Variants in SORCS3 observed in about 807,000 individuals in gnomAD.
The protein encoded by SORCS3 is VPS10 domain-containing receptor SorCS3.
In SORCS3, 57 loss-of-function variants were observed where a neutral mutation model predicts 146.3. The ratio of observed to expected loss-of-function variants is 0.39; its 90% confidence interval spans 0.31 to 0.49. The LOEUF is 0.49. Ranked by LOEUF, SORCS3 falls within the 20% of genes least tolerant of loss-of-function variation. SORCS3 has a pLI of 0.92. For synonymous variants in SORCS3, 653 were observed against 618.5 expected (o/e 1.06, Z -0.83); for missense variants, 1,341 against 1,575.5 (o/e 0.85, Z 2.52).
chr10:105,114,803 G>C (rs1291817522), intron 7 of SORCS3, among the ~76,000 whole-genome samples: 1 of 152,068 alleles, frequency 6.6e-6, no homozygotes, highest in African/African-American at 2.4e-5. Flanking sequence ...GAAGAAAAAA[G>C]AAACCTTATG....
chr10:104,936,426 A>C (rs933839074), intron 3 of SORCS3, among the ~76,000 whole-genome samples: 2 of 152,096 alleles, frequency 1.3e-5, no homozygotes, highest in African/African-American at 4.8e-5. Context: ...AGAAAAGAAA[A>C]TTTTAAGGTG....
At chr10:105,022,676 C>A (rs1042994592) in intron 4 of SORCS3, among the ~76,000 whole-genome samples, 4 of 152,086 alleles carry the variant, frequency 2.6e-5, no homozygotes, top group African/African-American at 9.7e-5. Flanking sequence ...GAAATTTTAT[C>A]CAGAATGTCA....
chr10:104,763,114 G>T (rs768090415), intron 1 of SORCS3, among the ~76,000 whole-genome samples: 2 of 152,170 alleles, frequency 1.3e-5, no homozygotes, highest in East Asian at 1.9e-4. Context: ...GCACGTGATA[G>T]AAATGCTAAT....
chr10:105,048,456 G>A (rs1000114479), intron 5 of SORCS3, among the ~76,000 whole-genome samples: 22 of 149,422 alleles, frequency 1.5e-4, no homozygotes, highest in Non-Finnish European at 1.9e-4. Flanking sequence ...AACACCGCAT[G>A]TTCTCACTCA....
chr10:105,237,156 C>T (rs2056797358), intron 20 of SORCS3, among the ~76,000 whole-genome samples: 1 of 152,092 alleles, frequency 6.6e-6, no homozygotes, highest in Non-Finnish European at 1.5e-5. Context: ...TCCCAAAGAA[C>T]CAAGAGAATG....
intron 1 of SORCS3, among the ~76,000 whole-genome samples, chr10:104,806,210 A>G (rs1160873108): frequency 6.6e-6 from 1 of 152,210 alleles, no homozygotes; most frequent in African/African-American, 2.4e-5. Context: ...TGACTAACCT[A>G]TACTACGTCT....
chr10:104,841,514 A>G (rs940160994), intron 1 of SORCS3, among the ~76,000 whole-genome samples: 2 of 152,204 alleles, frequency 1.3e-5, no homozygotes, highest in East Asian at 3.8e-4. Flanking sequence ...AATGGATCAT[A>G]TCCCTTGCCT....
chr10:105,004,966 GA>G (rs1204210783), intron 4 of SORCS3, among the ~76,000 whole-genome samples: 1 of 152,190 alleles, frequency 6.6e-6, no homozygotes, highest in Admixed American at 6.5e-5. Context: ...CATGAATATG[GA>G]AAGGGCATTT....
chr10:105,214,710 A>G, intron 18 of SORCS3, 97 bp downstream of exon 18: 1 of 1,192,754 alleles, frequency 8.4e-7, no homozygotes, highest in Non-Finnish European at 1.1e-6. Context: ...CCCCTGCACC[A>G]AAGTCAATGG....
intron 3 of SORCS3, among the ~76,000 whole-genome samples, chr10:104,950,337 C>A (rs2019415265): frequency 6.6e-6 from 1 of 152,148 alleles, no homozygotes; most frequent in Non-Finnish European, 1.5e-5. Context: ...CTAGTTCCTG[C>A]AACATTACTT....
At chr10:104,803,023 T>A (rs1268883848) in intron 1 of SORCS3, among the ~76,000 whole-genome samples, 1 of 152,146 alleles carries the variant, frequency 6.6e-6, no homozygotes, top group Non-Finnish European at 1.5e-5. Context: ...TCATCCACCT[T>A]GTTGCTCTAC....
intron 1 of SORCS3, among the ~76,000 whole-genome samples, chr10:104,704,601 C>T (rs1335443113): frequency 1.3e-5 from 2 of 152,164 alleles, no homozygotes; most frequent in Non-Finnish European, 2.9e-5. Context: ...GACCTGCTTA[C>T]AGCCTTCTGA....
chr10:104,758,906 A>T (rs752596406), intron 1 of SORCS3, among the ~76,000 whole-genome samples: 3 of 152,124 alleles, frequency 2.0e-5, no homozygotes, highest in Non-Finnish European at 4.4e-5. Context: ...CCTGTTAGGG[A>T]AACCGGTTTC....
At chr10:105,030,695 C>A (rs530170305) in intron 4 of SORCS3, among the ~76,000 whole-genome samples, 3 of 151,632 alleles carry the variant, frequency 2.0e-5, no homozygotes, top group Non-Finnish European at 4.4e-5. Flanking sequence ...TGGGTTCAAG[C>A]GATTTTCCTG....
intron 14 of SORCS3, among the ~76,000 whole-genome samples, chr10:105,183,802 A>G (rs1265919636): frequency 2.2e-5 from 3 of 133,752 alleles, no homozygotes; most frequent in Non-Finnish European, 5.0e-5. Flanking sequence ...ATGGTAGGGT[A>G]TACTGGGGAC....
intron 6 of SORCS3, among the ~76,000 whole-genome samples, chr10:105,096,133 G>C (rs61867245): frequency 0.023 from 2,438 of 107,924 alleles, 27 homozygotes; most frequent in Non-Finnish European, 0.037. Context: ...CACACACACA[G>C]ACACAAACAA....
intron 1 of SORCS3, among the ~76,000 whole-genome samples, chr10:104,735,456 G>GTTGTTTTTTTTTTTTTTTTTTTTTTT (rs2016757341): frequency 2.9e-5 from 1 of 34,994 alleles, no homozygotes; most frequent in African/African-American, 1.2e-4. Context: ...CTCACCGTCT[G>GTTGTTTTTTTTTTTTTTTTTTTTTTT]TTTTTTTTTT....
chr10:105,050,104 CTG>C (rs1022712384), intron 5 of SORCS3, among the ~76,000 whole-genome samples: 6 of 151,858 alleles, frequency 4.0e-5, no homozygotes, highest in Non-Finnish European at 8.8e-5. Context: ...ATTACCCAAA[CTG>C]TGTTCTGTTG....
chr10:104,868,351 T>C (rs2018481926), intron 2 of SORCS3, among the ~76,000 whole-genome samples: 1 of 152,206 alleles, frequency 6.6e-6, no homozygotes, highest in South Asian at 2.1e-4. Flanking sequence ...GAGCAATGCA[T>C]GATATATTGC....
Sources: allele counts gnomAD v4.1 joint callset (sites outside exome capture counted in the v4.1 genomes callset), GRCh38; gene constraint gnomAD v4.1.1; transcripts MANE v1.5; gene names NCBI Gene and HGNC (gene_info 2026-07-23, HGNC 2026-07-21).